Variants in ROCK2 observed in about 807,000 individuals in gnomAD.
ROCK2 encodes the protein rho-associated protein kinase 2.
Under a neutral mutation model 195.1 loss-of-function variants are expected in ROCK2, and 61 were observed. The observed-to-expected ratio is 0.31, with a 90% CI of 0.25 to 0.39. The LOEUF (loss-of-function observed/expected upper bound fraction) is 0.39. Among genes scored for constraint, ROCK2 ranks in the 10% least tolerant of loss-of-function variants. The probability of loss-of-function intolerance (pLI) is 1.00; values close to 1 mark genes in which losing one functional copy is unlikely to be tolerated. For synonymous variants in ROCK2, 504 were observed against 545.5 expected (o/e 0.92, Z 1.06); for missense variants, 1,109 against 1,637.4 (o/e 0.68, Z 5.57).
At chr2:11,330,391 A>T (rs1159404744) in intron 1 of ROCK2, among the ~76,000 whole-genome samples, 1 of 152,108 alleles carries the variant, frequency 6.6e-6, no homozygotes, top group Non-Finnish European at 1.5e-5. Context: ...ACAAACTATA[A>T]CTCTAAAACA....
chr2:11,281,051 C>T (rs910822497), intron 3 of ROCK2, among the ~76,000 whole-genome samples: 5 of 151,896 alleles, frequency 3.3e-5, no homozygotes, highest in Non-Finnish European at 7.4e-5. Context: ...TTATACGCCA[C>T]AACCAAGTGG....
intron 1 of ROCK2, among the ~76,000 whole-genome samples, chr2:11,327,527 G>A (rs1309987636): frequency 1.3e-5 from 2 of 152,214 alleles, no homozygotes; most frequent in African/African-American, 4.8e-5. Context: ...GAAAGATTGT[G>A]AGCCACATGC....
intron 3 of ROCK2, among the ~76,000 whole-genome samples, chr2:11,266,555 G>A (rs1172144085): frequency 6.6e-6 from 1 of 152,084 alleles, no homozygotes. Context: ...TTTTTAACTT[G>A]AAATGAAAAA....
At chr2:11,274,381 T>A (rs11695377) in intron 3 of ROCK2, among the ~76,000 whole-genome samples, 122,988 of 152,036 alleles carry the variant, frequency 0.81, 51,321 homozygotes, top group East Asian at 0.99. Flanking sequence ...ATGGACTAAT[T>A]AAAAAAACAG....
At chr2:11,198,816 C>T (rs1663737619) in intron 23 of ROCK2, 42 bp from the exon 24 acceptor site, 2 of 1,097,670 alleles carry the variant, frequency 1.8e-6, no homozygotes, top group South Asian at 2.8e-5. Flanking sequence ...TCCCAATTTA[C>T]ACAATTTATG....
At chr2:11,211,230 G>C (rs1664234100) in intron 18 of ROCK2, among the ~76,000 whole-genome samples, 1 of 152,100 alleles carries the variant, frequency 6.6e-6, no homozygotes, top group Admixed American at 6.6e-5. Context: ...ATTCTAGTTA[G>C]ACCAGCTATT....
intron 18 of ROCK2, among the ~76,000 whole-genome samples, chr2:11,209,094 C>T (rs1157490632): frequency 6.6e-6 from 1 of 152,170 alleles, no homozygotes; most frequent in Admixed American, 6.5e-5. Flanking sequence ...TATTCTATGT[C>T]TCTCAGTGTT....
chr2:11,222,593 C>T (rs184176293), intron 7 of ROCK2, among the ~76,000 whole-genome samples: 3 of 152,220 alleles, frequency 2.0e-5, no homozygotes, highest in African/African-American at 7.2e-5. Context: ...TCTCCCTTTC[C>T]TAAAAAGAAT....
At position 11,201,942 on chromosome 2, in the gene ROCK2, T is replaced by C. The variant is rs1663866854; in HGVS notation, c.2619+110A>G. 5.1e-6 allele frequency: 4 copies of C among 790,030 alleles called. No individual in the cohort carries two copies. The highest frequency in any genetic ancestry group is 1.9e-5 in the Admixed American group (1 of 53,740). The allele number at this position is 790,030 out of a possible 1,614,324, so 48.9% of individuals were successfully genotyped here. ...ATGATAATAAATTTCTCTTAAACTA[T>C]CTACATTCTTTTGCCCAGCTGCTCT... On this transcript the variant is annotated intron_variant, in intron 21 of 32. Coordinates refer to ENST00000315872, the MANE Select transcript of ROCK2 (RefSeq NM_004850.5). This position sits in a 1 kb window ranked among gnomAD's most constrained non-coding sequence, Gnocchi z 4.6.
At position 11,211,795 on chromosome 2, in the gene ROCK2, T is replaced by C; in HGVS notation, c.2089A>G (p.Ile697Val). ...TCTTCTTGTTCTAGGCTCTGCTGTA[T>C]AACTTTTAGTTGGTATGTCATATCT... ...EIDMTYQLKV[I>V]QQSLEQEEAE... is the part of the protein sequence containing the mutation. Residue 697 changes from isoleucine to valine, a missense_variant, in exon 18 of 33, where the codon ATA becomes GTA. Ile to Val is a conservative substitution (Grantham distance 29). Transcript: ENST00000315872. 1 of 1,612,244 alleles carries C rather than the reference T, an allele frequency of 6.2e-7. No homozygotes were observed. Among genetic ancestry groups the C allele is most frequent in the Admixed American group, 1.7e-5 (1 of 59,742 alleles).
At position 11,201,072 on chromosome 2, in the gene ROCK2, G is replaced by A. The variant is rs1363188043; in HGVS notation, c.2795C>T (p.Ala932Val). 1 of 1,613,496 alleles carries A rather than the reference G, an allele frequency of 6.2e-7. No homozygotes were observed. The highest frequency in any genetic ancestry group is 1.3e-5 in the African/African-American group (1 of 74,998). ...TTCCAAATCAGAATATTGTTCTTCA[G>A]CAATTGAACGAGCCAGTTGCTCAGA... ...ADSEQLARSI[A>V]EEQYSDLEKE... The change falls in exon 23 of 33, where the codon GCT becomes GTT. Residue 932 changes from alanine to valine, a missense_variant. Physicochemically the swap from Ala to Val is moderately conservative, Grantham distance 64. Around this residue, in one of 6 missense-constraint regions of ROCK2, gnomAD observed 542 missense variants for 672.0 expected, o/e 0.81. Transcript: ENST00000315872. This position sits in a 1 kb window ranked among gnomAD's most constrained non-coding sequence, Gnocchi z 4.6.
chr2:11,211,757 C>T lies in ROCK2; in HGVS notation c.2127G>A (p.Lys709=). ...QSLEQEEAEH[K]ATKARLADKN... ...TATCTGCTAGTCGTGCCTTTGTGGC[C>T]TTATGTTCAGCTTCTTCTTGTTCTA... Residue 709 remains lysine, a synonymous_variant, in exon 18 of 33, where the codon AAG becomes AAA. Coordinates refer to ENST00000315872, the MANE Select transcript of ROCK2 (RefSeq NM_004850.5). 1.2e-6 allele frequency: 2 copies of T among 1,613,578 alleles called. No individual in the cohort carries two copies. Among genetic ancestry groups the T allele is most frequent in the Non-Finnish European group, 1.7e-6 (2 of 1,179,756 alleles).
Position 11,181,533 on chromosome 2 carries a change from A to G in ROCK2, c.*1904T>C, listed in dbSNP as rs1306136691. The G allele has an allele frequency of 2.0e-5, 3 of 151,748 alleles. No individual in the cohort carries two copies. Among genetic ancestry groups the G allele is most frequent in the African/African-American group, 7.3e-5 (3 of 41,326 alleles). The allele number at this position is 151,748 out of a possible 1,614,324, so 9.4% of individuals were successfully genotyped here. A position where few individuals can be genotyped will look rare whatever the true frequency, so the allele number is the denominator to read the frequency against. Reference sequence around the variant, plus strand: ...GTAGCTACTCTTCAGTTTCCACAATAGTATCTATTATGGGGATCTAACTTT... The same window carrying G: ...GTAGCTACTCTTCAGTTTCCACAATGGTATCTATTATGGGGATCTAACTTT... On this transcript the variant is annotated 3_prime_UTR_variant, in exon 33 of 33. Coordinates refer to ENST00000315872, the MANE Select transcript of ROCK2 (RefSeq NM_004850.5).
At chr2:11,324,425 AAAAACAAAAC>A (rs55779313) in intron 1 of ROCK2, among the ~76,000 whole-genome samples, 20 of 150,758 alleles carry the variant, frequency 1.3e-4, no homozygotes, top group African/African-American at 3.7e-4. Context: ...CTCCGTCTCA[AAAAACAAAAC>A]AAAACAAAAC....
rs1663067661 is a variant in ROCK2 at position 11,183,157 on chromosome 2, G to A, written c.*280C>T. 3 of 331,310 alleles carry A rather than the reference G, an allele frequency of 9.1e-6. No homozygotes were observed. Among genetic ancestry groups the A allele is most frequent in the Non-Finnish European group, 1.7e-5 (3 of 178,324 alleles). 20.5% of individuals were successfully genotyped at this position (331,310 alleles called of 1,614,324 possible). A position where few individuals can be genotyped will look rare whatever the true frequency, so the allele number is the denominator to read the frequency against. On this transcript the variant is annotated 3_prime_UTR_variant, in exon 33 of 33. Coordinates refer to ENST00000315872, the MANE Select transcript of ROCK2 (RefSeq NM_004850.5). ...TCTCAATCCTTGTGTGCATTGTAGT[G>A]TGAGCGACTGCCGAGAGAGCTTTAT...
At chr2:11,249,241 G>T (rs985291857) in intron 4 of ROCK2, among the ~76,000 whole-genome samples, 1 of 152,104 alleles carries the variant, frequency 6.6e-6, no homozygotes, top group Admixed American at 6.5e-5. Flanking sequence ...AAGTTCTAGA[G>T]TACATGTGCA....
At chr2:11,341,338 C>A (rs1347784759) in intron 1 of ROCK2, among the ~76,000 whole-genome samples, 1 of 152,104 alleles carries the variant, frequency 6.6e-6, no homozygotes, top group East Asian at 1.9e-4. Flanking sequence ...AATTATGTAG[C>A]AAGAAATAGT....
At chr2:11,313,292 T>C (rs1444323757) in intron 1 of ROCK2, among the ~76,000 whole-genome samples, 1 of 151,994 alleles carries the variant, frequency 6.6e-6, no homozygotes, top group African/African-American at 2.4e-5. Flanking sequence ...TCTAGTCTAT[T>C]AACTATTAAC....
At chr2:11,194,634 A>T (rs773401114) in intron 28 of ROCK2, among the ~76,000 whole-genome samples, 2 of 152,032 alleles carry the variant, frequency 1.3e-5, no homozygotes, top group Non-Finnish European at 2.9e-5. Context: ...AAACATAATA[A>T]CATCAATAAT....
Sources: allele counts gnomAD v4.1 joint callset (sites outside exome capture counted in the v4.1 genomes callset), GRCh38; gene constraint gnomAD v4.1.1; regional missense constraint gnomAD v4.1.1; non-coding constraint Gnocchi (gnomAD v3.1); transcripts MANE v1.5; gene names NCBI Gene and HGNC (gene_info 2026-07-23, HGNC 2026-07-21).